ACAP2: variants seen among roughly 807,000 people sequenced by gnomAD.
ACAP2 encodes the protein ArfGAP with coiled-coil, ankyrin repeat and PH domains 2.
In ACAP2, 39 loss-of-function variants were observed where a neutral mutation model predicts 115.8. The observed-to-expected ratio is 0.34, with a 90% CI of 0.26 to 0.44. The LOEUF is 0.44. ACAP2 is among the 20% of genes least tolerant of loss of function. The pLI is 1.00. For synonymous variants in ACAP2, 289 were observed against 315.8 expected (o/e 0.92, Z 0.90); for missense variants, 662 against 927.6 (o/e 0.71, Z 3.72).
chr3:195,294,578 C>CAAAAAAAAA lies in ACAP2; in HGVS notation c.1765+132_1765+140dup, dbSNP rs71637158. 2.7e-4 allele frequency: 20 copies of CAAAAAAAAA among 73,220 alleles called. 2 individuals are homozygous for CAAAAAAAAA. The highest frequency in any genetic ancestry group is 6.6e-3 in the Middle Eastern group (1 of 152). The allele number at this position is 73,220 out of a possible 1,614,324, so 4.5% of individuals were successfully genotyped here. A position where few individuals can be genotyped will look rare whatever the true frequency, so the allele number is the denominator to read the frequency against. On this transcript the variant is annotated intron_variant, in intron 18 of 22. Coordinates refer to ENST00000326793, the MANE Select transcript of ACAP2 (RefSeq NM_012287.6). ...GGGCAGTAAGAGTGAAACTCCATCTCAAAAAAAAAAGAAGAAAAAAAAAAA... is the reference window on the plus strand; with the variant it reads ...GGGCAGTAAGAGTGAAACTCCATCTCAAAAAAAAAAAAAAAAAAAGAAGAAAAAAAAAAA...
intron 10 of ACAP2, among the ~76,000 whole-genome samples, chr3:195,314,363 G>A (rs9809332): frequency 6.6e-6 from 1 of 152,026 alleles, no homozygotes; most frequent in Admixed American, 6.6e-5. Flanking sequence ...GCCTCCCTGG[G>A]TTCAAGTGAT....
chr3:195,423,131 T>C (rs1714318687), intron 1 of ACAP2, among the ~76,000 whole-genome samples: 2 of 152,096 alleles, frequency 1.3e-5, no homozygotes, highest in Admixed American at 1.3e-4. Flanking sequence ...TTTTACGAGC[T>C]GCAGGTCAAA....
chr3:195,382,448 A>G (rs868499427), intron 2 of ACAP2, among the ~76,000 whole-genome samples: 15 of 151,002 alleles, frequency 9.9e-5, no homozygotes, highest in Admixed American at 4.6e-4. Context: ...TCTTTCTTTC[A>G]TCTTTCTCTT....
chr3:195,284,597 C>G (rs924373590), intron 22 of ACAP2, among the ~76,000 whole-genome samples: 1 of 152,124 alleles, frequency 6.6e-6, no homozygotes, highest in Non-Finnish European at 1.5e-5. Flanking sequence ...GTAGTAAATA[C>G]GGTCCTCTGA....
chr3:195,435,462 G>A (rs1025033747), intron 1 of ACAP2, among the ~76,000 whole-genome samples: 58 of 151,694 alleles, frequency 3.8e-4, no homozygotes, highest in African/African-American at 8.2e-4. Flanking sequence ...CACTGCACCC[G>A]GCCTCTTTTT....
At chr3:195,380,060 T>C (rs1250090318) in intron 4 of ACAP2, among the ~76,000 whole-genome samples, 1 of 152,064 alleles carries the variant, frequency 6.6e-6, no homozygotes, top group Non-Finnish European at 1.5e-5. Flanking sequence ...AATGGTACAG[T>C]CTCTGTAGAA....
intron 15 of ACAP2, among the ~76,000 whole-genome samples, chr3:195,300,095 G>A (rs985586632): frequency 1.6e-4 from 23 of 144,620 alleles, no homozygotes; most frequent in South Asian, 2.2e-4. Context: ...TGCCCAGGCC[G>A]GAGTGCAGTG....
chr3:195,409,879 C>CAAAAAAAAAA (rs59779977), intron 1 of ACAP2, among the ~76,000 whole-genome samples: 1 of 56,980 alleles, frequency 1.8e-5, no homozygotes, highest in Non-Finnish European at 2.8e-5. Context: ...GACTCCATCT[C>CAAAAAAAAAA]AAAAAAAAAA....
chr3:195,302,242 T>C, intron 13 of ACAP2, 68 bp from the exon 14 acceptor site: 1 of 1,374,132 alleles, frequency 7.3e-7, no homozygotes, highest in South Asian at 1.4e-5. Flanking sequence ...GCACACTACA[T>C]GCTCCAAACT....
chr3:195,372,987 CAAA>C (rs869134113), intron 4 of ACAP2, among the ~76,000 whole-genome samples: 10 of 17,778 alleles, frequency 5.6e-4, no homozygotes, highest in African/African-American at 9.5e-4. Context: ...GACTCCATCT[CAAA>C]AAAAAAAAAA....
At chr3:195,383,314 G>C (rs1734072681) in intron 2 of ACAP2, among the ~76,000 whole-genome samples, 1 of 151,894 alleles carries the variant, frequency 6.6e-6, no homozygotes, top group African/African-American at 2.4e-5. Context: ...TAAAAGTCTG[G>C]TAGTAAATGC....
At chr3:195,294,606 AAATTAT>A (rs1411635982) in intron 18 of ACAP2, 107 bp downstream of exon 18, 4,924 of 91,710 alleles carry the variant, frequency 0.054, 130 homozygotes, top group Middle Eastern at 0.12. Flanking sequence ...AAAAAAAAAA[AAATTAT>A]ATATATATAT....
intron 20 of ACAP2, among the ~76,000 whole-genome samples, chr3:195,290,530 G>T (rs1480009008): frequency 2.4e-4 from 37 of 152,200 alleles, no homozygotes; most frequent in Admixed American, 2.0e-3. Flanking sequence ...GCCAGACATG[G>T]CCGTGCGCAG....
At position 195,424,283 on chromosome 3, in the gene ACAP2, A is replaced by ATATAT. The variant is rs1179576221; in HGVS notation, c.53+18511_53+18512insATATA. Among the ~76,000 whole-genome samples the ATATAT allele has an allele frequency of 1.5e-4, 8 of 54,114 alleles. 1 individual carries two copies. Among genetic ancestry groups the ATATAT allele is most frequent in the African/African-American group, 1.9e-4 (2 of 10,486 alleles). The allele number at this position is 54,114 out of a possible 152,430, so 35.5% of individuals were successfully genotyped here. Reference sequence around the variant, plus strand: ...TGTGTATATATATATATATATATATATTTTTTTTTTTTTTTTTTTTTTTTT... The same window carrying ATATAT: ...TGTGTATATATATATATATATATATATATATTTTTTTTTTTTTTTTTTTTTTTTTT... On this transcript the variant is annotated intron_variant, in intron 1 of 22. Transcript: ENST00000326793.
At chr3:195,422,900 A>T (rs1319312725) in intron 1 of ACAP2, among the ~76,000 whole-genome samples, 1 of 152,184 alleles carries the variant, frequency 6.6e-6, no homozygotes, top group Non-Finnish European at 1.5e-5. Context: ...ATGATTTTTA[A>T]ATCATTCCAA....
chr3:195,352,216 G>C (rs950960890), intron 4 of ACAP2, among the ~76,000 whole-genome samples: 1 of 152,046 alleles, frequency 6.6e-6, no homozygotes, highest in Non-Finnish European at 1.5e-5. Flanking sequence ...ATGCTGTATA[G>C]GTTTGCAGCG....
At chr3:195,289,712 A>G (rs1233348107) in intron 20 of ACAP2, among the ~76,000 whole-genome samples, 1 of 150,708 alleles carries the variant, frequency 6.6e-6, no homozygotes, top group Admixed American at 6.6e-5. Flanking sequence ...AGGCTGAGGC[A>G]GGAGAATGGC....
chr3:195,354,590 A>G (rs923860850), intron 4 of ACAP2, among the ~76,000 whole-genome samples: 1 of 152,170 alleles, frequency 6.6e-6, no homozygotes, highest in Non-Finnish European at 1.5e-5. Context: ...TATCAGATGA[A>G]TAGTTTGCAA....
chr3:195,377,306 A>G (rs1009834359), intron 4 of ACAP2, among the ~76,000 whole-genome samples: 1 of 151,784 alleles, frequency 6.6e-6, no homozygotes, highest in African/African-American at 2.4e-5. Context: ...CACCACACCC[A>G]GCTAATTTTT....
Sources: gnomAD v4.1 joint callset for allele counts (sites outside exome capture counted in the v4.1 genomes callset) on GRCh38, gnomAD v4.1.1 for gene constraint, MANE v1.5 for transcripts, NCBI Gene and HGNC (gene_info 2026-07-23, HGNC 2026-07-21) for gene names.